Variants in AGL observed in about 807,000 individuals in gnomAD.
AGL encodes glycogen debranching enzyme.
Under a neutral mutation model 199.3 loss-of-function variants are expected in AGL, and 128 were observed. That is an observed-to-expected ratio of 0.64 (90% CI 0.56 to 0.74). The LOEUF is 0.74. Among genes scored for constraint, AGL ranks in the 30% least tolerant of loss-of-function variants. The pLI is 0.00. For missense variants in AGL, 1,809 were observed against 1,820.8 expected, an observed-to-expected ratio of 0.99 and a Z score of 0.12; for synonymous variants, 584 against 594.7, an observed-to-expected ratio of 0.98 and a Z score of 0.26.
At chr1:99,905,131 A>G (rs989558620) in intron 27 of AGL, among the ~76,000 whole-genome samples, 7 of 152,034 alleles carry the variant, frequency 4.6e-5, no homozygotes, top group African/African-American at 1.2e-4. Context: ...ACATCTTGCC[A>G]GCATTTGGTG....
In AGL at chr1:99,900,805, C is replaced by T. The variant is rs769812980; in HGVS notation, c.3532C>T (p.Pro1178Ser). 4.2e-5 allele frequency: 67 copies of T among 1,613,816 alleles called. No homozygotes were observed. Among genetic ancestry groups the T allele is most frequent in the Non-Finnish European group, 5.3e-5 (62 of 1,179,946 alleles). ...VPNGLDILKC[P>S]VSRMYPTDDS... ...AAATGGTCTAGACATTCTCAAGTGC[C>T]CAGTTTCCAGAATGTATCCTACAGA... The change falls in exon 26 of 34, where the codon CCA becomes TCA. Residue 1178 changes from proline (P) to serine (S), a missense_variant. Pro to Ser is a moderately conservative substitution (Grantham distance 74). Coordinates refer to ENST00000361915, the MANE Select transcript of AGL (RefSeq NM_000642.3).
intron 12 of AGL, among the ~76,000 whole-genome samples, chr1:99,879,716 A>G (rs369645130): frequency 1.3e-5 from 2 of 152,130 alleles, no homozygotes; most frequent in Non-Finnish European, 2.9e-5. Context: ...TCATGTCTCA[A>G]TATCTTTGCA....
At chr1:99,864,289 A>G in intron 4 of AGL, 97 bp from the exon 5 acceptor site, 1 of 1,140,834 alleles carries the variant, frequency 8.8e-7, no homozygotes, top group South Asian at 1.3e-5. Flanking sequence ...CTTGCTATTT[A>G]TAATTACTTA....
chr1:99,881,046 AACTTTT>A (rs1651972436), intron 14 of AGL, 24 bp from the exon 15 acceptor site: 2 of 1,579,942 alleles, frequency 1.3e-6, no homozygotes, highest in African/African-American at 1.3e-5. Context: ...AAAGAAAGCA[AACTTTT>A]GCTTTGTTGT....
intron 25 of AGL, among the ~76,000 whole-genome samples, chr1:99,898,379 C>T (rs1653512730): frequency 6.6e-6 from 1 of 152,070 alleles, no homozygotes. Flanking sequence ...TTTAAAGGGT[C>T]ATTTAAAAGA....
Position 99,913,755 on chromosome 1 carries a change from TA to T in AGL, c.4161+22del, listed in dbSNP as rs748463505. Reference sequence around the variant, plus strand: ...ATGGTTGTGGTAGGTGATTCGTTTGTAAAAACATTTCAAAAAATGATGTGCT... The same window carrying T: ...ATGGTTGTGGTAGGTGATTCGTTTGTAAAACATTTCAAAAAATGATGTGCT... On this transcript the variant is annotated intron_variant, in intron 30 of 33. Transcript: ENST00000361915. The T allele has an allele frequency of 6.2e-7, 1 of 1,608,516 alleles. No individual in the cohort carries two copies. Among genetic ancestry groups the T allele is most frequent in the Non-Finnish European group, 8.5e-7 (1 of 1,174,954 alleles).
chr1:99,854,696 G>A (rs527418939), intron 2 of AGL, among the ~76,000 whole-genome samples: 44 of 151,338 alleles, frequency 2.9e-4, no homozygotes, highest in East Asian at 7.8e-4. Context: ...CCCAGGAGGC[G>A]GAGCTTGCAG....
intron 27 of AGL, among the ~76,000 whole-genome samples, chr1:99,903,343 T>G (rs1653996578): frequency 6.6e-6 from 1 of 152,032 alleles, no homozygotes. Context: ...TGTCCAAGTA[T>G]TCTCATTGTT....
intron 10 of AGL, among the ~76,000 whole-genome samples, chr1:99,876,000 A>G (rs1651497226): frequency 6.6e-6 from 1 of 152,126 alleles, no homozygotes; most frequent in African/African-American, 2.4e-5. Context: ...TCAGCCTCCC[A>G]AGTAGCCAGG....
chr1:99,881,652 T>G lies in AGL; in HGVS notation c.2269T>G (p.Ser757Ala), dbSNP rs1652040664. ...SRTAFRNPKTSFYSKEVPQMC... is the reference protein window; with the variant it reads ...SRTAFRNPKTAFYSKEVPQMC... ...AACTGCTTTCAGGAATCCCAAGACT[T>G]CATTTTACAGCAAGGAAGTGCCTCA... The change falls in exon 17 of 34, where the codon TCA becomes GCA. Residue 757 changes from serine (S) to alanine (A), a missense_variant. Ser to Ala is a moderately conservative substitution (Grantham distance 99). Coordinates refer to ENST00000361915, the MANE Select transcript of AGL (RefSeq NM_000642.3). The G allele has an allele frequency of 6.2e-7, 1 of 1,613,880 alleles. No homozygotes were observed. The highest frequency in any genetic ancestry group is 1.1e-5 in the South Asian group (1 of 91,082).
At position 99,915,801 on chromosome 1, in the gene AGL, C is replaced by G. The variant is rs143127490; in HGVS notation, c.4259+315C>G. ...ACACACACACACACGCACACACACA[C>G]CAAAACTCACAATTAAAGCTGACTC... On this transcript the variant is annotated intron_variant, in intron 31 of 33. Transcript: ENST00000361915. Among the ~76,000 whole-genome samples, 262 of 151,758 alleles carry G rather than the reference C, an allele frequency of 1.7e-3. 3 individuals carry two copies. Among genetic ancestry groups the G allele is most frequent in the African/African-American group, 5.9e-3 (245 of 41,388 alleles).
chr1:99,902,739 A>G lies in AGL; in HGVS notation c.3645A>G (p.Ile1215Met), dbSNP rs1176143064. 6.2e-7 allele frequency: 1 copy of G among 1,613,532 alleles called. No individual in the cohort carries two copies. The highest frequency in any genetic ancestry group is 8.5e-7 in the Non-Finnish European group (1 of 1,179,632). The stretch of plus-strand genomic sequence containing the variant: ...CAATGCAAAAACACATGCAGGGCAT[A>G]CAGTTCCGAGAAAGGAATGCTGGTC... ...QEAMQKHMQG[I>M]QFRERNAGPQ... Residue 1215 changes from isoleucine to methionine, a missense_variant, in exon 27 of 34, where the codon ATA (isoleucine) becomes ATG (methionine). Coordinates refer to ENST00000361915, the MANE Select transcript of AGL (RefSeq NM_000642.3).
Position 99,875,135 on chromosome 1 carries a change from A to T in AGL, c.1083-19A>T. Reference sequence around the variant, plus strand: ...TAAAGCCATTAAATATTATATCTGCATTTCTCCATCTGCTCTAGCAAGGGG... The same window carrying T: ...TAAAGCCATTAAATATTATATCTGCTTTTCTCCATCTGCTCTAGCAAGGGG... On this transcript the variant is annotated intron_variant, in intron 8 of 33. Coordinates refer to ENST00000361915, the MANE Select transcript of AGL (RefSeq NM_000642.3). 1 of 1,600,032 alleles carries T rather than the reference A, an allele frequency of 6.2e-7. No homozygotes were observed. Among genetic ancestry groups the T allele is most frequent in the South Asian group, 1.1e-5 (1 of 90,586 alleles).
rs1557767170 is a variant in AGL, at chr1:99,884,462, T to G, written c.2546+11T>G. 6.2e-7 allele frequency: 1 copy of G among 1,605,084 alleles called. No individual in the cohort carries two copies. ...TGTTATTATATTCAGGTATGTTAATTGAGCTCAAACTGTTGACTTTACTTA... is the reference window on the plus strand; with the variant it reads ...TGTTATTATATTCAGGTATGTTAATGGAGCTCAAACTGTTGACTTTACTTA... On this transcript the variant is annotated intron_variant, in intron 19 of 33. Transcript: ENST00000361915.
intron 2 of AGL, among the ~76,000 whole-genome samples, chr1:99,852,131 A>G (rs1649002355): frequency 6.6e-6 from 1 of 152,010 alleles, no homozygotes; most frequent in Admixed American, 6.6e-5. Flanking sequence ...TCTGCTAGGA[A>G]TTCTTTTTCT....
chr1:99,866,808 A>C (rs61811106), intron 5 of AGL, among the ~76,000 whole-genome samples: 4 of 68,354 alleles, frequency 5.9e-5, no homozygotes, highest in African/African-American at 4.5e-4. Flanking sequence ...TCTTTTATTT[A>C]TTTATTTTAT....
chr1:99,858,789 A>G, intron 2 of AGL, among the ~76,000 whole-genome samples: 1 of 151,834 alleles, frequency 6.6e-6, no homozygotes, highest in South Asian at 2.1e-4. Context: ...AGTGAGAGCC[A>G]AAAGGTTTTT....
At chr1:99,870,217 G>A (rs1051657651) in intron 5 of AGL, among the ~76,000 whole-genome samples, 183 bp from the exon 6 acceptor site, 5 of 151,820 alleles carry the variant, frequency 3.3e-5, no homozygotes, top group Admixed American at 2.0e-4. Flanking sequence ...ATGCTGAAGC[G>A]AATGATAGGA....
chr1:99,871,517 A>G (rs1641398359), intron 7 of AGL, among the ~76,000 whole-genome samples: 1 of 151,712 alleles, frequency 6.6e-6, no homozygotes, highest in Non-Finnish European at 1.5e-5. Flanking sequence ...TCTGCATTTC[A>G]TATAGGACAA....
Sources: allele counts gnomAD v4.1 joint callset (sites outside exome capture counted in the v4.1 genomes callset), GRCh38; gene constraint gnomAD v4.1.1; transcripts MANE v1.5; gene names NCBI Gene and HGNC (gene_info 2026-07-23, HGNC 2026-07-21).